The following TRAPPC10 variants were observed in gnomAD, a reference collection of about 807,000 sequenced individuals.
TRAPPC10 encodes trafficking protein particle complex subunit 10.
TRAPPC10 carries 23 observed loss-of-function variants against 125.5 expected under a neutral mutation model. The observed-to-expected ratio is 0.18, with a 90% CI of 0.13 to 0.26. TRAPPC10 has a LOEUF of 0.26. Among genes scored for constraint, TRAPPC10 ranks in the 10% least tolerant of loss-of-function variants. TRAPPC10 has a pLI of 1.00. For synonymous variants in TRAPPC10, 509 were observed against 518.0 expected, an observed-to-expected ratio of 0.98 and a Z score of 0.24; for missense variants, 1,123 against 1,308.4, an observed-to-expected ratio of 0.86 and a Z score of 2.19.
chr21:44,012,631 C>G, intron 1 of TRAPPC10, 71 bp downstream of exon 1: 2 of 1,369,604 alleles, frequency 1.5e-6, no homozygotes, highest in South Asian at 2.5e-5. Context: ...ATGCACCCGG[C>G]GCCCCCAGAC....
In TRAPPC10 at chr21:44,074,511, G is replaced by A. The variant is rs748903488; in HGVS notation, c.1185+41G>A. On this transcript the variant is annotated intron_variant, in intron 8 of 22. Transcript: ENST00000291574. ...AGTGTGGAATGCTCACGTTGTCTCT[G>A]CGGCCATGCCTGGGTGGCGGAGGAA... is the stretch of plus-strand genomic sequence containing the variant. 2.5e-6 allele frequency: 4 copies of A among 1,612,304 alleles called. No homozygotes were observed. The South Asian group carries it at 3.3e-5, about 13-fold the overall frequency.
intron 1 of TRAPPC10, among the ~76,000 whole-genome samples, chr21:44,016,879 T>A (rs184400315): frequency 1.3e-5 from 2 of 152,196 alleles, no homozygotes; most frequent in South Asian, 2.1e-4. Context: ...AGGATGGTCT[T>A]GATCTGACCT....
chr21:44,023,188 A>G (rs1398228574), intron 1 of TRAPPC10, among the ~76,000 whole-genome samples: 4 of 151,350 alleles, frequency 2.6e-5, no homozygotes, highest in African/African-American at 9.7e-5. Flanking sequence ...GCCCGCCACC[A>G]CGCCGGGCTA....
chr21:44,078,357 C>T (rs952004039), intron 11 of TRAPPC10, among the ~76,000 whole-genome samples: 1 of 151,148 alleles, frequency 6.6e-6, no homozygotes, highest in Non-Finnish European at 1.5e-5. Flanking sequence ...AGAGAAGAAA[C>T]CCCAGTGGGT....
intron 20 of TRAPPC10, among the ~76,000 whole-genome samples, chr21:44,095,606 C>G (rs1403239581): frequency 6.6e-6 from 1 of 151,990 alleles, no homozygotes; most frequent in Non-Finnish European, 1.5e-5. Context: ...CTGTGTCGCC[C>G]AGGCTGGAGT....
intron 7 of TRAPPC10, among the ~76,000 whole-genome samples, chr21:44,064,318 TGTGTGTGTGTGTGTGTGTGTGA>T (rs1474344475): frequency 1.3e-5 from 2 of 151,224 alleles, no homozygotes; most frequent in Non-Finnish European, 1.5e-5. Context: ...TGTGTGTGTG[TGTGTGTGTGTGTGTGTGTGTGA>T]GTGTGAGAAT....
chr21:44,038,087 G>A (rs762236272), intron 3 of TRAPPC10, among the ~76,000 whole-genome samples, 160 bp downstream of exon 3: 11 of 152,158 alleles, frequency 7.2e-5, no homozygotes, highest in Admixed American at 2.0e-4. Context: ...GAGGACGCGC[G>A]GTGGGATGGG....
chr21:44,074,502 G>A (rs201286049), intron 8 of TRAPPC10, 32 bp downstream of exon 8: 32 of 1,613,232 alleles, frequency 2.0e-5, no homozygotes, highest in African/African-American at 1.2e-4. Context: ...GAATGCTCAC[G>A]TTGTCTCTGC....
At chr21:44,015,331 GA>G (rs2147106972) in intron 1 of TRAPPC10, among the ~76,000 whole-genome samples, 1 of 152,240 alleles carries the variant, frequency 6.6e-6, no homozygotes, top group Admixed American at 6.5e-5. Context: ...TATATGTAGG[GA>G]TAGAAGAATG....
Position 44,082,706 on chromosome 21 carries a change from TCTTA to T in TRAPPC10, c.1724-79_1724-76del. 1 of 1,506,582 alleles carries T rather than the reference TCTTA, an allele frequency of 6.6e-7. No individual in the cohort carries two copies. The highest frequency in any genetic ancestry group is 9.1e-7 in the Non-Finnish European group (1 of 1,102,940). 93.3% of individuals were successfully genotyped at this position (1,506,582 alleles called of 1,614,324 possible). A position where few individuals can be genotyped will look rare whatever the true frequency, so the allele number is the denominator to read the frequency against. ...GCTTGCTTCAGTCTGCTCTCGGTGA[TCTTA>T]CTGTGTCCGCGGCCTGCTGCTGCTT... is the stretch of plus-strand genomic sequence containing the variant. On this transcript the variant is annotated intron_variant, in intron 13 of 22. Coordinates refer to ENST00000291574, the MANE Select transcript of TRAPPC10 (RefSeq NM_003274.5). The surrounding 1 kb of genome is among the most constrained non-coding windows in gnomAD (Gnocchi z 4.4).
At chr21:44,034,030 G>A (rs1197764588) in intron 2 of TRAPPC10, among the ~76,000 whole-genome samples, 10 of 152,184 alleles carry the variant, frequency 6.6e-5, no homozygotes, top group Admixed American at 3.9e-4. Flanking sequence ...AAAGGCAGAC[G>A]TGCATAAAGA....
Position 44,063,680 on chromosome 21 carries a change from C to A in TRAPPC10, c.933C>A (p.Phe311Leu). 1 of 1,614,238 alleles carries A rather than the reference C, an allele frequency of 6.2e-7. No homozygotes were observed. Among genetic ancestry groups the A allele is most frequent in the East Asian group, 2.2e-5 (1 of 44,884 alleles). ...ATLLDLRSYL[F>L]SRQCTLLLFL... ...TGTTAGATCTGCGCAGTTACCTGTT[C>A]TCTCGCCAGTGCACCTTGCTGCTCT... The change falls in exon 7 of 23, where the codon TTC (phenylalanine) becomes TTA (leucine). Residue 311 changes from phenylalanine to leucine, a missense_variant. Around this residue, in one of 4 missense-constraint regions of TRAPPC10, gnomAD observed 91 missense variants for 127.1 expected, o/e 0.72. Coordinates refer to ENST00000291574, the MANE Select transcript of TRAPPC10 (RefSeq NM_003274.5). This position sits in a 1 kb window ranked among gnomAD's most constrained non-coding sequence, Gnocchi z 4.4.
chr21:44,067,953 C>G (rs1156734226), intron 7 of TRAPPC10, among the ~76,000 whole-genome samples: 1 of 152,036 alleles, frequency 6.6e-6, no homozygotes, highest in Non-Finnish European at 1.5e-5. Flanking sequence ...AACCCTGTCT[C>G]TACTAAAAAT....
At chr21:44,062,042 G>A (rs79375011) in intron 6 of TRAPPC10, among the ~76,000 whole-genome samples, 3 of 152,218 alleles carry the variant, frequency 2.0e-5, no homozygotes, top group Admixed American at 2.0e-4. Context: ...GCTGGGCAGC[G>A]TCAGGGACCA....
At chr21:44,031,179 T>C (rs2147258901) in intron 1 of TRAPPC10, among the ~76,000 whole-genome samples, 1 of 152,292 alleles carries the variant, frequency 6.6e-6, no homozygotes, top group East Asian at 1.9e-4. Context: ...ATTTTTAGGC[T>C]TTTGATAGCA....
chr21:44,055,936 C>G, intron 5 of TRAPPC10, 43 bp downstream of exon 5: 2 of 1,470,522 alleles, frequency 1.4e-6, no homozygotes, highest in Non-Finnish European at 1.9e-6. Context: ...TTCTCTCCTT[C>G]CCTCCTTTGT....
chr21:44,053,741 G>T (rs1601676386), intron 4 of TRAPPC10, among the ~76,000 whole-genome samples: 1 of 152,266 alleles, frequency 6.6e-6, no homozygotes, highest in African/African-American at 2.4e-5. Context: ...GCAGCCGGGA[G>T]CCCCTTGTTC....
At chr21:44,067,021 T>C (rs9981257) in intron 7 of TRAPPC10, among the ~76,000 whole-genome samples, 47,312 of 152,030 alleles carry the variant, frequency 0.31, 10,315 homozygotes, top group African/African-American at 0.62. Context: ...CCAAGTGATT[T>C]TTTGGGGGGG....
chr21:44,017,311 A>G (rs2031981111), intron 1 of TRAPPC10, among the ~76,000 whole-genome samples: 1 of 152,190 alleles, frequency 6.6e-6, no homozygotes, highest in African/African-American at 2.4e-5. Flanking sequence ...CGGTTCTTAC[A>G]TAATTTCACA....
Sources: allele counts gnomAD v4.1 joint callset (sites outside exome capture counted in the v4.1 genomes callset), GRCh38; gene constraint gnomAD v4.1.1; regional missense constraint gnomAD v4.1.1; non-coding constraint Gnocchi (gnomAD v3.1); transcripts MANE v1.5; gene names NCBI Gene and HGNC (gene_info 2026-07-23, HGNC 2026-07-21).